Variants in UNC5C observed in about 807,000 individuals in gnomAD.
UNC5C encodes netrin receptor UNC5C.
In UNC5C, 47 loss-of-function variants were observed where a neutral mutation model predicts 99.8. The ratio of observed to expected loss-of-function variants is 0.47; its 90% CI spans 0.37 to 0.60. UNC5C has a LOEUF of 0.60. UNC5C is among the 20% of genes least tolerant of loss of function. The pLI, the probability that UNC5C is intolerant of heterozygous loss-of-function variation, is 0.00. For missense variants in UNC5C, 1,062 were observed against 1,165.9 expected, an observed-to-expected ratio of 0.91 and a Z score of 1.30; for synonymous variants, 487 against 452.2, an observed-to-expected ratio of 1.08 and a Z score of -0.98.
chr4:95,455,564 G>C (rs1380328749), intron 1 of UNC5C, among the ~76,000 whole-genome samples: 3 of 152,020 alleles, frequency 2.0e-5, no homozygotes, highest in African/African-American at 7.2e-5. Context: ...GTTTGAGGTG[G>C]CTGCAGTGAG....
chr4:95,275,273 G>A (rs192932845), intron 4 of UNC5C, among the ~76,000 whole-genome samples: 80 of 152,168 alleles, frequency 5.3e-4, no homozygotes, highest in African/African-American at 1.9e-3. Flanking sequence ...CCAAGAAGAG[G>A]GGCAAGGTAC....
intron 1 of UNC5C, among the ~76,000 whole-genome samples, chr4:95,444,332 CTTTT>C (rs11363815): frequency 2.9e-5 from 4 of 136,218 alleles, no homozygotes; most frequent in South Asian, 2.3e-4. Context: ...AGTGCATTGC[CTTTT>C]TTTTTTTTTT....
intron 12 of UNC5C, among the ~76,000 whole-genome samples, chr4:95,190,824 G>C (rs990176974): frequency 1.3e-5 from 2 of 152,292 alleles, no homozygotes; most frequent in East Asian, 3.9e-4. Flanking sequence ...CACTGCGGGC[G>C]CTGCCTCCAA....
chr4:95,171,536 A>G (rs964846100), intron 14 of UNC5C, among the ~76,000 whole-genome samples: 1 of 151,940 alleles, frequency 6.6e-6, no homozygotes, highest in African/African-American at 2.4e-5. Context: ...ATGATTTCCA[A>G]TTTCACCCAT....
intron 12 of UNC5C, among the ~76,000 whole-genome samples, chr4:95,191,432 C>T (rs1737087990): frequency 6.6e-6 from 1 of 152,118 alleles, no homozygotes; most frequent in East Asian, 1.9e-4. Flanking sequence ...CAGAGCCCTG[C>T]ACAGTGGTGA....
intron 1 of UNC5C, among the ~76,000 whole-genome samples, chr4:95,538,820 C>T (rs1010923877): frequency 2.0e-4 from 30 of 152,056 alleles, no homozygotes; most frequent in African/African-American, 6.3e-4. Flanking sequence ...AGTAAGGAAG[C>T]ATATATCACT....
intron 1 of UNC5C, among the ~76,000 whole-genome samples, chr4:95,545,184 T>C (rs1048035694): frequency 2.6e-5 from 4 of 152,298 alleles, no homozygotes; most frequent in Middle Eastern, 3.4e-3. Flanking sequence ...GACCCTGTCT[T>C]ATTTAACTCT....
chr4:95,446,586 C>T (rs1380145441), intron 1 of UNC5C, among the ~76,000 whole-genome samples: 1 of 152,080 alleles, frequency 6.6e-6, no homozygotes, highest in African/African-American at 2.4e-5. Context: ...GGAAAATGTT[C>T]AATGACAAGC....
intron 1 of UNC5C, among the ~76,000 whole-genome samples, chr4:95,335,973 C>A (rs1211774113): frequency 4.6e-5 from 7 of 151,918 alleles, no homozygotes; most frequent in African/African-American, 9.6e-5. Flanking sequence ...TAGAGTGTCA[C>A]CCTTGAGAGC....
intron 3 of UNC5C, 77 bp from the exon 4 acceptor site, chr4:95,278,439 C>A: frequency 8.3e-7 from 1 of 1,197,966 alleles, no homozygotes. Context: ...AAAAAATTTT[C>A]TGGCTTAGTA....
chr4:95,463,917 C>A (rs1201088819), intron 1 of UNC5C, among the ~76,000 whole-genome samples: 1 of 152,154 alleles, frequency 6.6e-6, no homozygotes, highest in African/African-American at 2.4e-5. Context: ...AACTCTCCAA[C>A]TATTATTAAG....
At chr4:95,523,217 C>T (rs776205741) in intron 1 of UNC5C, among the ~76,000 whole-genome samples, 1 of 152,164 alleles carries the variant, frequency 6.6e-6, no homozygotes, top group Non-Finnish European at 1.5e-5. Context: ...ATTGTTCTCA[C>T]CTTGAGGAAA....
intron 3 of UNC5C, among the ~76,000 whole-genome samples, chr4:95,287,600 C>T (rs1420026815): frequency 6.6e-6 from 1 of 152,158 alleles, no homozygotes; most frequent in Non-Finnish European, 1.5e-5. Context: ...ACCTAACTGA[C>T]CACGATATTC....
chr4:95,261,279 G>T (rs562292585), intron 4 of UNC5C, among the ~76,000 whole-genome samples: 1 of 152,232 alleles, frequency 6.6e-6, no homozygotes, highest in African/African-American at 2.4e-5. Flanking sequence ...CACACTTTCT[G>T]TTATCAACAT....
chr4:95,418,166 G>A (rs1038368836), intron 1 of UNC5C, among the ~76,000 whole-genome samples: 1 of 152,206 alleles, frequency 6.6e-6, no homozygotes, highest in African/African-American at 2.4e-5. Context: ...CTTAGGTGAA[G>A]GAGCAGTGAG....
chr4:95,275,226 T>C (rs1202282149), intron 4 of UNC5C, among the ~76,000 whole-genome samples: 1 of 152,110 alleles, frequency 6.6e-6, no homozygotes, highest in Non-Finnish European at 1.5e-5. Flanking sequence ...GAGAGAATCT[T>C]GGTGACAGAA....
intron 1 of UNC5C, among the ~76,000 whole-genome samples, chr4:95,503,069 CAAAATTCATGTGTTGGAA>C (rs1179810261): frequency 2.0e-5 from 3 of 152,080 alleles, no homozygotes; most frequent in Admixed American, 2.0e-4. Flanking sequence ...ATGTGTCTCC[CAAAATTCATGTGTTGGAA>C]ACTTGATCCC....
intron 7 of UNC5C, among the ~76,000 whole-genome samples, chr4:95,225,503 T>G (rs999358359): frequency 6.6e-6 from 1 of 152,198 alleles, no homozygotes; most frequent in Non-Finnish European, 1.5e-5. Context: ...CTATAACACA[T>G]GGCTTGGGAG....
At chr4:95,483,686 T>C (rs913010866) in intron 1 of UNC5C, among the ~76,000 whole-genome samples, 3 of 151,820 alleles carry the variant, frequency 2.0e-5, no homozygotes, top group Admixed American at 6.6e-5. Flanking sequence ...GGGTTCCCTC[T>C]CCTTGATAAC....
Sources: allele counts gnomAD v4.1 joint callset (sites outside exome capture counted in the v4.1 genomes callset), GRCh38; gene constraint gnomAD v4.1.1; transcripts MANE v1.5; gene names NCBI Gene and HGNC (gene_info 2026-07-23, HGNC 2026-07-21).